USP32: variants seen among roughly 807,000 people sequenced by gnomAD.
USP32 encodes the protein ubiquitin carboxyl-terminal hydrolase 32.
USP32 carries 59 observed loss-of-function variants against 204.8 expected under a neutral mutation model. The ratio of observed to expected loss-of-function variants is 0.29; its 90% CI spans 0.23 to 0.36. The LOEUF is 0.36. Ranked by LOEUF, USP32 falls within the 10% of genes least tolerant of loss-of-function variation. The probability of loss-of-function intolerance (pLI) is 1.00; values close to 1 mark genes in which losing one functional copy is unlikely to be tolerated. For synonymous variants in USP32, 517 were observed against 678.4 expected (o/e 0.76, Z 3.70); for missense variants, 1,160 against 1,946.4 (o/e 0.60, Z 7.60).
intron 31 of USP32, 38 bp from the exon 32 acceptor site, chr17:60,181,786 A>T: frequency 6.3e-7 from 1 of 1,581,668 alleles, no homozygotes. Flanking sequence ...ACAAATTCAA[A>T]TGCCACAAAG....
At chr17:60,313,252 AAAAAT>A (rs1236801937) in intron 2 of USP32, among the ~76,000 whole-genome samples, 1 of 150,296 alleles carries the variant, frequency 6.7e-6, no homozygotes, top group Non-Finnish European at 1.5e-5. Flanking sequence ...CTCTGTCTCA[AAAAAT>A]AAAATAAAGT....
rs114695649 is a variant in USP32 at position 60,281,253 on chromosome 17, C to T, written c.571+7270G>A. ...ATGCATATTCATTATAAAACACATGCTCTGGCCGGGTGCAGTGGCTCACGC... is the reference window on the plus strand; with the variant it reads ...ATGCATATTCATTATAAAACACATGTTCTGGCCGGGTGCAGTGGCTCACGC... On this transcript the variant is annotated intron_variant, in intron 5 of 33. Transcript: ENST00000300896. 7.3e-3 allele frequency among the ~76,000 whole-genome samples: 1,106 copies of T among 152,040 alleles called. 16 individuals are homozygous for T. The highest frequency in any genetic ancestry group is 0.026 in the African/African-American group (1,062 of 41,516).
At chr17:60,269,301 T>G (rs750034355) in intron 7 of USP32, 149 bp downstream of exon 7, 9 of 602,734 alleles carry the variant, frequency 1.5e-5, no homozygotes, top group Non-Finnish European at 2.5e-5. Flanking sequence ...TAGAGTGACC[T>G]CAGTAAAACC....
chr17:60,204,942 T>TA (rs1443073750), intron 26 of USP32, among the ~76,000 whole-genome samples: 7 of 149,656 alleles, frequency 4.7e-5, no homozygotes, highest in East Asian at 3.9e-4. Flanking sequence ...GCTGCTTAGT[T>TA]AAAAAAAAGA....
At chr17:60,347,369 T>A (rs1453157617) in intron 1 of USP32, among the ~76,000 whole-genome samples, 36 of 141,182 alleles carry the variant, frequency 2.5e-4, no homozygotes, top group African/African-American at 8.5e-4. Context: ...TTTTTTTTTT[T>A]ATGAGACGGC....
chr17:60,268,796 G>A (rs1181102812), intron 7 of USP32, among the ~76,000 whole-genome samples: 7 of 151,874 alleles, frequency 4.6e-5, no homozygotes, highest in Admixed American at 6.6e-5. Context: ...TACTAAATAC[G>A]ATAAAAATAT....
At chr17:60,207,235 C>T (rs146534448) in intron 24 of USP32, 103 bp from the exon 25 acceptor site, 15 of 1,455,510 alleles carry the variant, frequency 1.0e-5, no homozygotes, top group Admixed American at 5.6e-5. Flanking sequence ...CGCTTTCATC[C>T]GTAAAACCAA....
rs780961959 is a variant in USP32, at chr17:60,255,289, C to CTTT, written c.991-34_991-32dup. On this transcript the variant is annotated intron_variant, in intron 9 of 33. Coordinates refer to ENST00000300896, the MANE Select transcript of USP32 (RefSeq NM_032582.4). ...ACAGAGACACTCATGTTAGGAACAT[C>CTTT]TTTTTTTTCTTTTTTTTTTTTTTTT... is the stretch of plus-strand genomic sequence containing the variant. The CTTT allele has an allele frequency of 2.6e-6, 3 of 1,158,766 alleles. No individual in the cohort carries two copies. In the African/African-American group the frequency reaches 5.2e-5, roughly 20 times the overall value. 71.8% of individuals were successfully genotyped at this position (1,158,766 alleles called of 1,614,324 possible).
rs533094585 is a variant in USP32 at position 60,268,407 on chromosome 17, T to A, written c.811+1043A>T. ...AACATAACAAGACACTATCTCTATT[T>A]AAAAAAAAAAAAAAAATTAGCCAGG... On this transcript the variant is annotated intron_variant, in intron 7 of 33. Coordinates refer to ENST00000300896, the MANE Select transcript of USP32 (RefSeq NM_032582.4). Among the ~76,000 whole-genome samples the A allele has an allele frequency of 1.3e-4, 18 of 138,480 alleles. 1 individual carries two copies. The South Asian group carries it at 2.3e-3, about 18-fold the overall frequency. The allele number at this position is 138,480 out of a possible 152,430, so 90.8% of individuals were successfully genotyped here.
At chr17:60,247,074 C>A (rs2086045927) in intron 11 of USP32, among the ~76,000 whole-genome samples, 1 of 152,106 alleles carries the variant, frequency 6.6e-6, no homozygotes, top group Non-Finnish European at 1.5e-5. Flanking sequence ...GCTGACTGTG[C>A]TTTTGAGGTA....
intron 2 of USP32, among the ~76,000 whole-genome samples, chr17:60,331,189 A>C (rs1360899309): frequency 6.6e-6 from 1 of 152,240 alleles, no homozygotes; most frequent in African/African-American, 2.4e-5. Flanking sequence ...AATAGTGTTA[A>C]GTATTCTTCC....
intron 2 of USP32, among the ~76,000 whole-genome samples, chr17:60,342,750 C>G (rs563533123): frequency 6.6e-6 from 1 of 152,356 alleles, no homozygotes; most frequent in East Asian, 1.9e-4. Context: ...GGGAGAGAAT[C>G]TCCTCTGCTG....
intron 1 of USP32, among the ~76,000 whole-genome samples, chr17:60,347,031 A>C (rs1394194348): frequency 1.3e-5 from 2 of 152,150 alleles, no homozygotes; most frequent in Admixed American, 6.5e-5. Context: ...AGTGAGATAT[A>C]ATTCAGATAG....
At chr17:60,184,455 C>T (rs2084196317) in intron 30 of USP32, among the ~76,000 whole-genome samples, 1 of 151,986 alleles carries the variant, frequency 6.6e-6, no homozygotes, top group Non-Finnish European at 1.5e-5. Flanking sequence ...GGAAGCTGTT[C>T]TGGTCTAAGA....
intron 12 of USP32, among the ~76,000 whole-genome samples, chr17:60,226,695 T>G (rs2145589434): frequency 6.6e-6 from 1 of 152,268 alleles, no homozygotes; most frequent in East Asian, 1.9e-4. Flanking sequence ...TTCTTATGAC[T>G]GAAAAATATG....
chr17:60,228,836 G>GT (rs72054770), intron 12 of USP32, among the ~76,000 whole-genome samples: 7,212 of 141,468 alleles, frequency 0.051, 186 homozygotes, highest in Admixed American at 0.081. Context: ...TTTTGTTTTT[G>GT]TTTTTTTTTT....
At position 60,342,101 on chromosome 17, in the gene USP32, C is replaced by T. The variant is rs558388438; in HGVS notation, c.186+3380G>A. Among the ~76,000 whole-genome samples, 334 of 150,404 alleles carry T rather than the reference C, an allele frequency of 2.2e-3. 4 individuals carry two copies. The highest frequency in any genetic ancestry group is 7.6e-3 in the African/African-American group (312 of 40,884). On this transcript the variant is annotated intron_variant, in intron 2 of 33. Coordinates refer to ENST00000300896, the MANE Select transcript of USP32 (RefSeq NM_032582.4). ...CAGATGGGATTTTGGTGTAGATGTC[C>T]TTTTTGTTGATGATGATGCTATTCC...
intron 2 of USP32, among the ~76,000 whole-genome samples, chr17:60,326,804 C>T (rs1351221517): frequency 6.6e-6 from 1 of 152,122 alleles, no homozygotes; most frequent in African/African-American, 2.4e-5. Flanking sequence ...CTAGTTATTT[C>T]CACAAGATGT....
At chr17:60,296,089 A>G (rs992451142) in intron 3 of USP32, among the ~76,000 whole-genome samples, 2 of 152,258 alleles carry the variant, frequency 1.3e-5, no homozygotes, top group Non-Finnish European at 2.9e-5. Flanking sequence ...GAAGGGATAC[A>G]AAGAAAACCT....
Sources: gnomAD v4.1 joint callset for allele counts (sites outside exome capture counted in the v4.1 genomes callset) on GRCh38, gnomAD v4.1.1 for gene constraint, MANE v1.5 for transcripts, NCBI Gene and HGNC (gene_info 2026-07-23, HGNC 2026-07-21) for gene names.